Variants in MAMLD1 observed in about 807,000 individuals in gnomAD.
MAMLD1 encodes mastermind like domain containing 1.
In MAMLD1, 14 loss-of-function variants were observed where a neutral mutation model predicts 45.0. That is an observed-to-expected ratio of 0.31 (90% CI 0.21 to 0.49). The LOEUF (loss-of-function observed/expected upper bound fraction) is 0.49, where lower values mean the gene tolerates loss of function less well. Among genes scored for constraint, MAMLD1 ranks in the 20% least tolerant of loss-of-function variants. The pLI, the probability that MAMLD1 is intolerant of heterozygous loss-of-function variation, is 0.99. For missense variants in MAMLD1, 543 were observed against 603.6 expected, an observed-to-expected ratio of 0.90 and a Z score of 1.05; for synonymous variants, 254 against 247.8, an observed-to-expected ratio of 1.02 and a Z score of -0.24.
At chrX:150,496,731 A>C (rs1209868009) in intron 5 of MAMLD1, among the ~76,000 whole-genome samples, 1 of 111,846 alleles carries the variant, frequency 8.9e-6, no homozygotes, top group Non-Finnish European at 1.9e-5. Flanking sequence ...CTCATTACCC[A>C]GCATTGCTGA....
At chrX:150,468,012 G>T (rs1170271009) in intron 3 of MAMLD1, among the ~76,000 whole-genome samples, 7 of 112,389 alleles carry the variant, frequency 6.2e-5, no homozygotes, top group African/African-American at 2.3e-4. Flanking sequence ...GCTCTGAGAG[G>T]TTCAGTGGCA....
chrX:150,504,464 A>G, intron 6 of MAMLD1: 2 of 733,292 alleles, frequency 2.7e-6, no homozygotes, highest in Non-Finnish European at 3.2e-6. Context: ...CTGGAAGAAC[A>G]AGCAGTGCTT....
chrX:150,377,155 C>T (rs1557401478), intron 1 of MAMLD1, among the ~76,000 whole-genome samples: 1 of 113,405 alleles, frequency 8.8e-6, no homozygotes, highest in Non-Finnish European at 1.9e-5. Flanking sequence ...ATCCACTCCT[C>T]TGGCCTGAAG....
In MAMLD1 at chrX:150,503,424, T is replaced by C; in HGVS notation, c.2191T>C (p.Tyr731His). The C allele has an allele frequency of 8.3e-7, 1 of 1,211,871 alleles. No homozygotes were observed. Among genetic ancestry groups the C allele is most frequent in the Non-Finnish European group, 1.1e-6 (1 of 895,408 alleles). ...AHELARVTSS[Y>H]STSEAAPWGS... is the part of the protein sequence containing the mutation. ...TGAGCTGGCCCGAGTCACCTCCTCG[T>C]ACAGCACCTCAGAGGCAGCGCCCTG... The change falls in exon 6 of 8, where the codon TAC (tyrosine) becomes CAC (histidine). Residue 731 changes from tyrosine to histidine, a missense_variant. Coordinates refer to ENST00000370401, the MANE Select transcript of MAMLD1 (RefSeq NM_005491.5).
intron 1 of MAMLD1, among the ~76,000 whole-genome samples, chrX:150,396,453 A>G (rs2033423796): frequency 9.0e-6 from 1 of 111,344 alleles, no homozygotes; most frequent in East Asian, 2.8e-4. Context: ...TTATTTAGAA[A>G]TGTGTTGTTT....
At chrX:150,496,814 A>T (rs1461864259) in intron 5 of MAMLD1, among the ~76,000 whole-genome samples, 3 of 112,215 alleles carry the variant, frequency 2.7e-5, no homozygotes, top group Non-Finnish European at 5.6e-5. Flanking sequence ...TATACTGCAG[A>T]TTCACTCTAT....
In MAMLD1 at chrX:150,503,299, T is replaced by C. The variant is rs200876209; in HGVS notation, c.2066T>C (p.Leu689Pro). ...NITHVDKACK[L>P]GEARHPQVSL... ...ACTCATGTAGACAAAGCCTGCAAGC[T>C]TGGGGAAGCCAGGCACCCCCAGGTC... is the stretch of plus-strand genomic sequence containing the variant. Residue 689 changes from leucine (L) to proline (P), a missense_variant, in exon 6 of 8, where the codon CTT becomes CCT. Coordinates refer to ENST00000370401, the MANE Select transcript of MAMLD1 (RefSeq NM_005491.5). The C allele has an allele frequency of 1.7e-6, 2 of 1,210,706 alleles. No individual in the cohort carries two copies. Among genetic ancestry groups the C allele is most frequent in the Admixed American group, 2.2e-5 (1 of 45,972 alleles).
At position 150,513,332 on chromosome X, in the gene MAMLD1, G is replaced by C. The variant is rs2037957082; in HGVS notation, c.*1373G>C. ...CATTTTGTGACTTTGTAAATAAAGC[G>C]ACGGCTTTTGTTTCAGTAGAGTTGT... On this transcript the variant is annotated 3_prime_UTR_variant, in exon 8 of 8. Coordinates refer to ENST00000370401, the MANE Select transcript of MAMLD1 (RefSeq NM_005491.5). The C allele has an allele frequency of 8.2e-6, 3 of 367,809 alleles. No homozygotes were observed. The South Asian group carries it at 2.3e-4, about 28-fold the overall frequency. The allele number at this position is 367,809 out of a possible 1,213,427, so 30.3% of individuals were successfully genotyped here.
chrX:150,370,342 G>A lies in MAMLD1; in HGVS notation c.-64+6812G>A, dbSNP rs370187373. On this transcript the variant is annotated intron_variant, in intron 1 of 7. Transcript: ENST00000370401. The stretch of plus-strand genomic sequence containing the variant: ...GGTCCTTAAACATCTTCAGTACTTC[G>A]AGGAGGAAAATTTCATAAATCCGAA... 2.5e-3 allele frequency among the ~76,000 whole-genome samples: 275 copies of A among 111,861 alleles called. 1 individual carries two copies. Among genetic ancestry groups the A allele is most frequent in the African/African-American group, 8.6e-3 (265 of 30,792 alleles).
rs1569564636 is a variant in MAMLD1 at position 150,398,343 on chromosome X, G to GAAGAA, written c.-64+34813_-64+34814insAAGAA. Among the ~76,000 whole-genome samples, 170 of 56,387 alleles carry GAAGAA rather than the reference G, an allele frequency of 3.0e-3. 9 individuals carry two copies. The highest frequency in any genetic ancestry group is 6.6e-3 in the East Asian group (12 of 1,816). 49.0% of individuals were successfully genotyped at this position (56,387 alleles called of 115,157 possible). A position where few individuals can be genotyped will look rare whatever the true frequency, so the allele number is the denominator to read the frequency against. On this transcript the variant is annotated intron_variant, in intron 1 of 7. Transcript: ENST00000370401. ...AAGAAGAAGAAGAAGAAGAAGAAGA[G>GAAGAA]GAAGAGGAAGAGGAAGAGGAAGAGG... is the stretch of plus-strand genomic sequence containing the variant.
chrX:150,402,750 T>G (rs1409395657), intron 1 of MAMLD1, among the ~76,000 whole-genome samples: 28 of 111,918 alleles, frequency 2.5e-4, no homozygotes, highest in African/African-American at 8.8e-4. Flanking sequence ...CCATAAACAA[T>G]GATGAGTTCA....
chrX:150,494,123 C>T (rs781956007), intron 5 of MAMLD1, among the ~76,000 whole-genome samples: 29 of 112,019 alleles, frequency 2.6e-4, no homozygotes, highest in African/African-American at 8.1e-4. Context: ...GGGCCGGGCA[C>T]GGTGGCTCAA....
intron 6 of MAMLD1, chrX:150,504,925 T>C (rs1214767187): frequency 1.3e-6 from 1 of 751,936 alleles, no homozygotes; most frequent in Admixed American, 8.8e-5. Flanking sequence ...AGACAGAGGA[T>C]GCAGGCACCA....
chrX:150,378,073 T>G (rs1326896360), intron 1 of MAMLD1, among the ~76,000 whole-genome samples: 4 of 112,457 alleles, frequency 3.6e-5, no homozygotes, highest in Admixed American at 2.8e-4. Context: ...ATGTCCTTTA[T>G]AGCAAAAGAA....
rs180730197 is a variant in MAMLD1, at chrX:150,392,002, G to A, written c.-64+28472G>A. On this transcript the variant is annotated intron_variant, in intron 1 of 7. Coordinates refer to ENST00000370401, the MANE Select transcript of MAMLD1 (RefSeq NM_005491.5). ...GGAAGTTCAGCTTACCCTGGGCCCT[G>A]CTGGGGAAAGTGGGGTACTAAATTG... 2.5e-3 allele frequency among the ~76,000 whole-genome samples: 281 copies of A among 111,795 alleles called. 3 individuals are homozygous for A. Among genetic ancestry groups the A allele is most frequent in the African/African-American group, 8.9e-3 (272 of 30,728 alleles).
intron 1 of MAMLD1, among the ~76,000 whole-genome samples, chrX:150,376,971 GT>G (rs1314493331): frequency 9.0e-6 from 1 of 111,334 alleles, no homozygotes; most frequent in Non-Finnish European, 1.9e-5. Flanking sequence ...TTTCTCAACT[GT>G]TTGCACCCAG....
chrX:150,364,185 G>C (rs1031739243), intron 1 of MAMLD1, among the ~76,000 whole-genome samples: 1 of 112,788 alleles, frequency 8.9e-6, no homozygotes, highest in East Asian at 2.8e-4. Context: ...CGCGCTTCAG[G>C]TTCCCCAGCA....
chrX:150,405,782 A>G (rs1381131938), intron 1 of MAMLD1, among the ~76,000 whole-genome samples: 1 of 111,510 alleles, frequency 9.0e-6, no homozygotes, highest in Non-Finnish European at 1.9e-5. Context: ...CTCACCTTAC[A>G]GAGGCCCCCT....
chrX:150,400,064 C>T (rs2033683375), intron 1 of MAMLD1, among the ~76,000 whole-genome samples: 1 of 111,619 alleles, frequency 9.0e-6, no homozygotes, highest in South Asian at 3.8e-4. Flanking sequence ...AAGACGGTGG[C>T]CTAAGAGATC....
Sources: allele counts gnomAD v4.1 joint callset (sites outside exome capture counted in the v4.1 genomes callset), GRCh38; gene constraint gnomAD v4.1.1; transcripts MANE v1.5; gene names NCBI Gene and HGNC (gene_info 2026-07-23, HGNC 2026-07-21).